The following TASP1 variants were observed in gnomAD, a reference collection of about 807,000 sequenced individuals.
The protein encoded by TASP1 is threonine aspartase 1.
In TASP1, 16 loss-of-function variants were observed where a neutral mutation model predicts 56.6. That is an observed-to-expected ratio of 0.28 (90% CI 0.19 to 0.43). The LOEUF is 0.43. Among genes scored for constraint, TASP1 ranks in the 20% least tolerant of loss-of-function variants. TASP1 has a pLI of 1.00. For missense variants in TASP1, 393 were observed against 511.6 expected, an observed-to-expected ratio of 0.77 and a Z score of 2.24; for synonymous variants, 179 against 184.2, an observed-to-expected ratio of 0.97 and a Z score of 0.23.
At chr20:13,601,610 G>C (rs557992218) in intron 4 of TASP1, among the ~76,000 whole-genome samples, 2 of 152,176 alleles carry the variant, frequency 1.3e-5, no homozygotes, top group Admixed American at 1.3e-4. Context: ...TGCTCAAGAA[G>C]GTGAAGCAAA....
At chr20:13,456,480 A>G (rs2043842804) in intron 11 of TASP1, among the ~76,000 whole-genome samples, 1 of 152,096 alleles carries the variant, frequency 6.6e-6, no homozygotes, top group Non-Finnish European at 1.5e-5. Flanking sequence ...AAACCTGTAA[A>G]GGGTGCCAAT....
the TASP1 span, among the ~76,000 whole-genome samples, chr20:13,206,296 G>A: frequency 1.3e-5 from 2 of 152,094 alleles, no homozygotes; most frequent in African/African-American, 2.4e-5. Context: ...GTATATCAGG[G>A]ATCTGGATCA....
chr20:13,362,592 C>G, the TASP1 span, among the ~76,000 whole-genome samples: 1 of 151,486 alleles, frequency 6.6e-6, no homozygotes, highest in Non-Finnish European at 1.5e-5. Flanking sequence ...TTTGCTGACT[C>G]TCTTTTCGGA....
At chr20:13,242,663 C>G in the TASP1 span, among the ~76,000 whole-genome samples, 1 of 152,112 alleles carries the variant, frequency 6.6e-6, no homozygotes, top group South Asian at 2.1e-4. Context: ...AGGTGAGACT[C>G]TTTGCTCATT....
At chr20:13,618,373 A>G (rs1200250885) in intron 4 of TASP1, among the ~76,000 whole-genome samples, 2 of 152,154 alleles carry the variant, frequency 1.3e-5, no homozygotes, top group Non-Finnish European at 2.9e-5. Flanking sequence ...AGATCATACC[A>G]CTGCACTCCA....
chr20:13,623,266 T>C (rs796541963), intron 4 of TASP1, among the ~76,000 whole-genome samples, 180 bp downstream of exon 4: 2 of 152,158 alleles, frequency 1.3e-5, no homozygotes, highest in African/African-American at 2.4e-5. Context: ...AGCTTTTATA[T>C]TACTCAGAAA....
At chr20:13,279,504 C>G in the TASP1 span, 1 of 871,122 alleles carries the variant, frequency 1.1e-6, no homozygotes, top group East Asian at 2.7e-5. Flanking sequence ...TATCGCCATG[C>G]AATCTCAGCT....
chr20:13,557,002 A>C (rs2046180042), intron 8 of TASP1, among the ~76,000 whole-genome samples: 1 of 152,172 alleles, frequency 6.6e-6, no homozygotes, highest in African/African-American at 2.4e-5. Flanking sequence ...CATCTTGTTC[A>C]CCATTATTTT....
At chr20:13,267,143 A>G in the TASP1 span, among the ~76,000 whole-genome samples, 1 of 152,138 alleles carries the variant, frequency 6.6e-6, no homozygotes. Flanking sequence ...AGGATTTCCA[A>G]TTTCTTAACA....
At chr20:13,470,535 C>T (rs1321854156) in intron 11 of TASP1, among the ~76,000 whole-genome samples, 3 of 152,112 alleles carry the variant, frequency 2.0e-5, no homozygotes, top group African/African-American at 7.2e-5. Context: ...TGGAATTATA[C>T]ATATGTATCT....
the TASP1 span, among the ~76,000 whole-genome samples, chr20:13,351,520 A>G: frequency 6.6e-6 from 1 of 152,250 alleles, no homozygotes; most frequent in East Asian, 1.9e-4. Context: ...TCGCTGCATA[A>G]AAGAAGCCAT....
At chr20:13,399,513 C>T (rs890166060) in intron 13 of TASP1, among the ~76,000 whole-genome samples, 3 of 152,278 alleles carry the variant, frequency 2.0e-5, no homozygotes, top group South Asian at 4.1e-4. Context: ...TCTGTTTAGG[C>T]CAAAATCTTA....
intron 9 of TASP1, among the ~76,000 whole-genome samples, chr20:13,529,098 C>G (rs2045109106): frequency 6.6e-6 from 1 of 152,050 alleles, no homozygotes; most frequent in South Asian, 2.1e-4. Flanking sequence ...TAGTTCTGTA[C>G]CAAAGGGCCC....
intron 11 of TASP1, among the ~76,000 whole-genome samples, chr20:13,445,203 T>C (rs1196093148): frequency 6.6e-6 from 1 of 152,142 alleles, no homozygotes; most frequent in Non-Finnish European, 1.5e-5. Flanking sequence ...GCCACAAAGA[T>C]TAGCAGTAAT....
chr20:13,388,272 T>C (rs1265013375), downstream of TASP1, among the ~76,000 whole-genome samples: 2 of 152,232 alleles, frequency 1.3e-5, no homozygotes, highest in African/African-American at 4.8e-5. Flanking sequence ...CAGTATTCTC[T>C]GGTTCCAGTA....
At chr20:13,337,357 C>CTA in the TASP1 span, among the ~76,000 whole-genome samples, 2 of 152,162 alleles carry the variant, frequency 1.3e-5, no homozygotes, top group South Asian at 4.1e-4. Flanking sequence ...CAAGTCTAGA[C>CTA]CTTGCCCTTT....
At chr20:13,357,790 T>TAGA in the TASP1 span, among the ~76,000 whole-genome samples, 3 of 152,186 alleles carry the variant, frequency 2.0e-5, no homozygotes, top group Admixed American at 6.5e-5. Flanking sequence ...TGCAATACTA[T>TAGA]ACAGCAAAGA....
intron 10 of TASP1, among the ~76,000 whole-genome samples, chr20:13,505,632 TG>T (rs756196130): frequency 1.3e-5 from 2 of 151,948 alleles, no homozygotes; most frequent in Non-Finnish European, 2.9e-5. Context: ...TGCAAATATA[TG>T]GAAATTAAAT....
At chr20:13,351,584 T>C in the TASP1 span, among the ~76,000 whole-genome samples, 2 of 152,172 alleles carry the variant, frequency 1.3e-5, no homozygotes, top group Non-Finnish European at 2.9e-5. Flanking sequence ...CTTGAAAAGG[T>C]AAAACTATAG....
Sources: allele counts gnomAD v4.1 joint callset (sites outside exome capture counted in the v4.1 genomes callset), GRCh38; gene constraint gnomAD v4.1.1; transcripts MANE v1.5; gene names NCBI Gene and HGNC (gene_info 2026-07-23, HGNC 2026-07-21).